The following DNAI4 variants were observed in gnomAD, a reference collection of about 807,000 sequenced individuals.
The protein encoded by DNAI4 is WD repeat domain 78.
Under a neutral mutation model 105.8 loss-of-function variants are expected in DNAI4, and 85 were observed. That is an observed-to-expected ratio of 0.80 (90% confidence interval 0.67 to 0.96). DNAI4 has a LOEUF of 0.96. Among genes scored for constraint, DNAI4 ranks in the 40% least tolerant of loss-of-function variants. The pLI is 0.00. For missense variants in DNAI4, 1,014 were observed against 1,005.6 expected, an observed-to-expected ratio of 1.01 and a Z score of -0.11; for synonymous variants, 352 against 331.5, an observed-to-expected ratio of 1.06 and a Z score of -0.67.
In DNAI4 at chr1:66,896,088, C is replaced by A. The variant is rs1200009507; in HGVS notation, c.346-2675G>T. ...CTCATAAAATGAGTTTTGGAGTATA[C>A]CCACTTTTAGTGTTCTGTTTTCATC... On this transcript the variant is annotated intron_variant, in intron 2 of 16. Coordinates refer to ENST00000371026, the MANE Select transcript of DNAI4 (RefSeq NM_024763.5). Among the ~76,000 whole-genome samples the A allele has an allele frequency of 2.0e-5, 3 of 152,096 alleles. No individual in the cohort carries two copies. The East Asian group carries it at 5.8e-4, about 29-fold the overall frequency.
chr1:66,911,595 ACT>A (rs1375463630), intron 1 of DNAI4, among the ~76,000 whole-genome samples: 7 of 152,274 alleles, frequency 4.6e-5, no homozygotes, highest in African/African-American at 1.7e-4. Flanking sequence ...AAAAGACAAC[ACT>A]CTGGAGATTC....
In DNAI4 at chr1:66,859,661, G is replaced by A. The variant is rs543486421; in HGVS notation, c.1096+2486C>T. On this transcript the variant is annotated intron_variant, in intron 7 of 16. Coordinates refer to ENST00000371026, the MANE Select transcript of DNAI4 (RefSeq NM_024763.5). ...TAAGCCATGAAAAAACATAGAGGAG[G>A]CTTAAGTGCATATCGTTTAGTAAAA... Among the ~76,000 whole-genome samples, 5 of 152,252 alleles carry A rather than the reference G, an allele frequency of 3.3e-5. No individual in the cohort carries two copies. The South Asian group carries it at 1.0e-3, about 32-fold the overall frequency.
Position 66,890,710 on chromosome 1 carries a change from G to T in DNAI4, c.643+444C>A. On this transcript the variant is annotated intron_variant, in intron 4 of 16. Transcript: ENST00000371026. This position sits in a 1 kb window ranked among gnomAD's most constrained non-coding sequence, Gnocchi z 4.1. ...AAGAGGAAGAAGAAGAAGGAGAGGA[G>T]GGGGAGGAGGAGGAGGGAGAGGAAG... The T allele has an allele frequency of 4.5e-6, 1 of 222,350 alleles. No homozygotes were observed. Among genetic ancestry groups the T allele is most frequent in the South Asian group, 5.9e-5 (1 of 17,014 alleles). The allele number at this position is 222,350 out of a possible 1,614,324, so 13.8% of individuals were successfully genotyped here.
At chr1:66,918,861 G>A (rs1650262325) in intron 1 of DNAI4, among the ~76,000 whole-genome samples, 1 of 152,148 alleles carries the variant, frequency 6.6e-6, no homozygotes, top group Non-Finnish European at 1.5e-5. Flanking sequence ...ACTAAGCTAA[G>A]GGAGAATTCA....
chr1:66,869,116 AATAT>A (rs150114253), intron 6 of DNAI4, among the ~76,000 whole-genome samples: 1 of 145,654 alleles, frequency 6.9e-6, no homozygotes. Flanking sequence ...CCTAGATATG[AATAT>A]ATATATATAT....
Position 66,890,970 on chromosome 1 carries a change from C to A in DNAI4, c.643+184G>T. The A allele has an allele frequency of 1.7e-6, 1 of 600,308 alleles. No individual in the cohort carries two copies. Among genetic ancestry groups the A allele is most frequent in the South Asian group, 1.9e-5 (1 of 51,926 alleles). 37.2% of individuals were successfully genotyped at this position (600,308 alleles called of 1,614,324 possible). A position where few individuals can be genotyped will look rare whatever the true frequency, so the allele number is the denominator to read the frequency against. ...CCATTGGTTCCTCAGGCTGATGATT[C>A]AAAACAGTCACCCAGGGAACTTAAA... On this transcript the variant is annotated intron_variant, in intron 4 of 16. Transcript: ENST00000371026. This position sits in a 1 kb window ranked among gnomAD's most constrained non-coding sequence, Gnocchi z 4.1.
intron 7 of DNAI4, among the ~76,000 whole-genome samples, chr1:66,859,821 A>G (rs1047736921): frequency 2.0e-5 from 3 of 152,290 alleles, no homozygotes; most frequent in African/African-American, 7.2e-5. Flanking sequence ...AGAAATGATG[A>G]ATAGGTGGTC....
At chr1:66,881,109 G>A (rs1354816717) in intron 4 of DNAI4, among the ~76,000 whole-genome samples, 1 of 152,218 alleles carries the variant, frequency 6.6e-6, no homozygotes. Flanking sequence ...GATTTTAGAG[G>A]ATGTATGGTA....
chr1:66,924,191 G>C (rs1650900858), intron 1 of DNAI4, among the ~76,000 whole-genome samples: 2 of 152,186 alleles, frequency 1.3e-5, no homozygotes, highest in Admixed American at 1.3e-4. Flanking sequence ...TTATTTTTTA[G>C]ACAGAGTCTC....
At chr1:66,909,285 T>TACACACACACACACAC (rs71058481) in intron 1 of DNAI4, among the ~76,000 whole-genome samples, 7,362 of 134,424 alleles carry the variant, frequency 0.055, 575 homozygotes, top group African/African-American at 0.15. Flanking sequence ...CACCTCTCTC[T>TACACACACACACACAC]ACACACACAC....
chr1:66,894,096 T>A (rs932201966), intron 2 of DNAI4, among the ~76,000 whole-genome samples: 1 of 152,220 alleles, frequency 6.6e-6, no homozygotes, highest in Non-Finnish European at 1.5e-5. Context: ...CTACACTTTT[T>A]AATATTTTAG....
intron 8 of DNAI4, among the ~76,000 whole-genome samples, chr1:66,844,287 G>T (rs1004574577): frequency 3.3e-5 from 5 of 152,064 alleles, no homozygotes; most frequent in Non-Finnish European, 7.4e-5. Flanking sequence ...AGGCCTGGGC[G>T]CAGTGGCTCA....
At chr1:66,898,123 C>A (rs1453086024) in intron 2 of DNAI4, among the ~76,000 whole-genome samples, 1 of 152,194 alleles carries the variant, frequency 6.6e-6, no homozygotes, top group Admixed American at 6.5e-5. Flanking sequence ...TTAATGTTTG[C>A]TCTGCTGAGT....
In DNAI4 at chr1:66,834,122, G is replaced by A. The variant is rs541745942; in HGVS notation, c.1760C>T (p.Pro587Leu). The change falls in exon 12 of 17, where the codon CCT becomes CTT. Residue 587 changes from proline (P) to leucine (L), a missense_variant. Physicochemically the swap from Pro to Leu is moderately conservative, Grantham distance 98. Transcript: ENST00000371026. ...TTCTATCCACTGTAGTTGCCATACA[G>A]GTCCCAAATGTTTTTGAGGTGATTC... ...SSESPQKHLG[P>L]VWQLQWIEQD... The A allele has an allele frequency of 6.2e-7, 1 of 1,603,978 alleles. No homozygotes were observed. The highest frequency in any genetic ancestry group is 8.5e-7 in the Non-Finnish European group (1 of 1,177,116).
intron 1 of DNAI4, 119 bp downstream of exon 1, chr1:66,924,543 A>C (rs1344402112): frequency 2.7e-5 from 37 of 1,377,056 alleles, no homozygotes; most frequent in Non-Finnish European, 2.7e-5. Flanking sequence ...TTCAAGGTCT[A>C]CAGACTGAAC....
intron 2 of DNAI4, among the ~76,000 whole-genome samples, chr1:66,896,358 G>A (rs1373371211): frequency 1.3e-5 from 2 of 152,082 alleles, no homozygotes; most frequent in Non-Finnish European, 2.9e-5. Context: ...CTTTTAACAT[G>A]TACAATTCAA....
At chr1:66,814,950 A>G (rs1338269382) in intron 16 of DNAI4, among the ~76,000 whole-genome samples, 1 of 152,218 alleles carries the variant, frequency 6.6e-6, no homozygotes, top group Non-Finnish European at 1.5e-5. Context: ...GATGAAAATC[A>G]AAGATGGGAG....
rs1264045018 is a variant in DNAI4, at chr1:66,826,872, A to C, written c.2287T>G (p.Phe763Val). ...VAWSPKSSYI[F>V]AAANENRVEI... ...ACCCTGTTCTCATTTGCAGCTGCAAATATATAGGATGATTTTGGAGACCAG... is the reference window on the plus strand; with the variant it reads ...ACCCTGTTCTCATTTGCAGCTGCAACTATATAGGATGATTTTGGAGACCAG... The change falls in exon 15 of 17, where the codon TTT (phenylalanine) becomes GTT (valine). Residue 763 changes from phenylalanine to valine, a missense_variant. By Grantham distance (50) the Phe-to-Val change is conservative. Coordinates refer to ENST00000371026, the MANE Select transcript of DNAI4 (RefSeq NM_024763.5). The C allele has an allele frequency of 6.2e-7, 1 of 1,614,158 alleles. No individual in the cohort carries two copies. The highest frequency in any genetic ancestry group is 8.5e-7 in the Non-Finnish European group (1 of 1,180,022).
chr1:66,903,669 T>G (rs958014466), intron 2 of DNAI4, among the ~76,000 whole-genome samples: 1 of 152,192 alleles, frequency 6.6e-6, no homozygotes, highest in African/African-American at 2.4e-5. Flanking sequence ...AGTTTTTTTG[T>G]ATTTTTAGTA....
Sources: allele counts gnomAD v4.1 joint callset (sites outside exome capture counted in the v4.1 genomes callset), GRCh38; gene constraint gnomAD v4.1.1; non-coding constraint Gnocchi (gnomAD v3.1); transcripts MANE v1.5; gene names NCBI Gene and HGNC (gene_info 2026-07-23, HGNC 2026-07-21).